The following UBE3A variants were observed in gnomAD, a reference collection of about 807,000 sequenced individuals.
UBE3A encodes the protein ubiquitin protein ligase E3A.
UBE3A carries 6 observed loss-of-function variants against 83.4 expected under a neutral mutation model. That is an observed-to-expected ratio of 0.07 (90% CI 0.04 to 0.14). UBE3A has a LOEUF of 0.14. UBE3A is among the 10% of genes least tolerant of loss of function. The pLI, the probability that UBE3A is intolerant of heterozygous loss-of-function variation, is 1.00. For synonymous variants in UBE3A, 337 were observed against 355.4 expected (o/e 0.95, Z 0.58); for missense variants, 456 against 1,036.1 (o/e 0.44, Z 7.69).
intron 4 of UBE3A, among the ~76,000 whole-genome samples, chr15:25,389,878 G>T (rs2083932857): frequency 6.6e-6 from 1 of 150,650 alleles, no homozygotes; most frequent in South Asian, 2.1e-4. Flanking sequence ...ACAGAGCGAG[G>T]CTCTGTCTCA....
At position 25,371,100 on chromosome 15, in the gene UBE3A, T is replaced by C. The variant is rs1595807901; in HGVS notation, c.1074A>G (p.Leu358=). Residue 358 remains leucine (L), a synonymous_variant, in exon 6 of 13, where the codon CTA becomes CTG. Transcript: ENST00000648336. This position sits in a 1 kb window ranked among gnomAD's most constrained non-coding sequence, Gnocchi z 5.3. ...VISNEFNSRN[L]VNDDDAIVAA... ...CAACAATGGCATCATCATCATTCAC[T>C]AGATTTCGACTGTTAAATTCATTGC... 2 of 1,614,152 alleles carry C rather than the reference T, an allele frequency of 1.2e-6. No individual in the cohort carries two copies. The highest frequency in any genetic ancestry group is 1.1e-5 in the South Asian group (1 of 91,072).
intron 4 of UBE3A, among the ~76,000 whole-genome samples, chr15:25,380,185 C>T (rs910455288): frequency 4.6e-5 from 7 of 152,222 alleles, no homozygotes; most frequent in African/African-American, 9.6e-5. Flanking sequence ...TTTCACCTTT[C>T]GCCATGATTC....
intron 1 of UBE3A, among the ~76,000 whole-genome samples, chr15:25,430,027 C>CTATATATATATATATA (rs199950859): frequency 4.5e-5 from 3 of 66,172 alleles, no homozygotes; most frequent in African/African-American, 2.4e-4. Context: ...AAAAAAAAAC[C>CTATATATATATATATA]TATATATATA....
At chr15:25,380,633 A>T (rs2082021320) in intron 4 of UBE3A, among the ~76,000 whole-genome samples, 1 of 152,224 alleles carries the variant, frequency 6.6e-6, no homozygotes, top group Admixed American at 6.5e-5. Flanking sequence ...AAGGAAAGAA[A>T]GGAATTTCCC....
intron 4 of UBE3A, 111 bp from the exon 5 acceptor site, chr15:25,375,874 G>A: frequency 2.5e-6 from 3 of 1,212,850 alleles, no homozygotes; most frequent in Middle Eastern, 3.8e-4. Flanking sequence ...ATTAACCTGT[G>A]TATGAAGATG....
At chr15:25,436,595 T>C (rs1441665323) in intron 1 of UBE3A, among the ~76,000 whole-genome samples, 1 of 152,100 alleles carries the variant, frequency 6.6e-6, no homozygotes, top group Non-Finnish European at 1.5e-5. Flanking sequence ...AAATAGAAAT[T>C]ATCTAAAGTT....
At chr15:25,356,590 C>A in intron 8 of UBE3A, 101 bp downstream of exon 8, 1 of 1,187,422 alleles carries the variant, frequency 8.4e-7, no homozygotes, top group Non-Finnish European at 1.2e-6. Flanking sequence ...AGAGTATCAA[C>A]AAAGATTCTA....
chr15:25,354,822 C>T (rs1404704835), intron 9 of UBE3A, 139 bp from the exon 10 acceptor site: 2 of 785,126 alleles, frequency 2.5e-6, no homozygotes, highest in African/African-American at 1.8e-5. Flanking sequence ...TTTACACCTA[C>T]TTCTTAACAA....
chr15:25,391,448 T>A (rs920323285), intron 4 of UBE3A: 7 of 152,242 alleles, frequency 4.6e-5, no homozygotes, highest in Non-Finnish European at 7.3e-5. Context: ...ACCACAATTG[T>A]ACCGTACACT....
chr15:25,371,011 T>C lies in UBE3A; in HGVS notation c.1163A>G (p.Asn388Ser), dbSNP rs1490294828. ...CTCTTCATCATCTTCTTCATTGTGA[T>C]TTGTGTCCACTTCCCCTCCCACTAC... ...ANVVGGEVDT[N>S]HNEEDDEEPI... The change falls in exon 6 of 13, where the codon AAT becomes AGT. Residue 388 changes from asparagine to serine, a missense_variant. Coordinates refer to ENST00000648336, the MANE Select transcript of UBE3A (RefSeq NM_130839.5). The surrounding 1 kb of genome is among the most constrained non-coding windows in gnomAD (Gnocchi z 5.3). 2.5e-6 allele frequency: 4 copies of C among 1,613,986 alleles called. No homozygotes were observed. The highest frequency in any genetic ancestry group is 2.2e-5 in the South Asian group (2 of 91,076).
intron 8 of UBE3A, among the ~76,000 whole-genome samples, chr15:25,356,462 T>G (rs2077226158): frequency 6.6e-6 from 1 of 152,220 alleles, no homozygotes; most frequent in Non-Finnish European, 1.5e-5. Context: ...AACACTTCTC[T>G]ATGAAATCAA....
At chr15:25,352,474 C>G (rs2076646070) in intron 11 of UBE3A, among the ~76,000 whole-genome samples, 1 of 152,168 alleles carries the variant, frequency 6.6e-6, no homozygotes, top group African/African-American at 2.4e-5. Context: ...TTACATTATA[C>G]TGTAGTCAAG....
In UBE3A at chr15:25,370,806, T is replaced by C; in HGVS notation, c.1368A>G (p.Glu456=). 6.2e-7 allele frequency: 1 copy of C among 1,614,096 alleles called. No individual in the cohort carries two copies. Among genetic ancestry groups the C allele is most frequent in the Non-Finnish European group, 8.5e-7 (1 of 1,179,986 alleles). Residue 456 remains glutamate (E), a synonymous_variant, in exon 6 of 13, where the codon GAA becomes GAG. Transcript: ENST00000648336. This position sits in a 1 kb window ranked among gnomAD's most constrained non-coding sequence, Gnocchi z 4.2. ...FINEPLNEVL[E]MDKDYTFFKV... ...TGAAAAAAGTATAATCTTTATCCATTTCTAGAACCTCATTCAGTGGTTCAT... is the reference window on the plus strand; with the variant it reads ...TGAAAAAAGTATAATCTTTATCCATCTCTAGAACCTCATTCAGTGGTTCAT...
At chr15:25,380,461 C>T (rs1362563380) in intron 4 of UBE3A, among the ~76,000 whole-genome samples, 3 of 152,094 alleles carry the variant, frequency 2.0e-5, no homozygotes, top group Admixed American at 2.0e-4. Flanking sequence ...GTGACCCTGC[C>T]ATCTAATCAT....
chr15:25,422,458 T>C (rs894881544), intron 1 of UBE3A, among the ~76,000 whole-genome samples: 7 of 152,104 alleles, frequency 4.6e-5, no homozygotes, highest in African/African-American at 1.2e-4. Context: ...TTGTGAGAAC[T>C]TAATATAGAA....
At chr15:25,352,314 T>A (rs1470228379) in intron 11 of UBE3A, among the ~76,000 whole-genome samples, 1 of 152,224 alleles carries the variant, frequency 6.6e-6, no homozygotes, top group East Asian at 1.9e-4. Context: ...GAATTCTGCA[T>A]ACAATAAATA....
At chr15:25,403,523 T>C (rs1022736360) in intron 4 of UBE3A, among the ~76,000 whole-genome samples, 14 of 152,000 alleles carry the variant, frequency 9.2e-5, no homozygotes, top group African/African-American at 3.4e-4. Flanking sequence ...GAAACGCAAA[T>C]AGGTACAGTT....
At chr15:25,404,301 T>C (rs2087908960) in intron 4 of UBE3A, among the ~76,000 whole-genome samples, 1 of 152,176 alleles carries the variant, frequency 6.6e-6, no homozygotes, top group Non-Finnish European at 1.5e-5. Context: ...CCATCTTTAC[T>C]TCCTTGTTCT....
intron 8 of UBE3A, among the ~76,000 whole-genome samples, chr15:25,356,307 T>C (rs1282332007): frequency 6.7e-6 from 1 of 148,980 alleles, no homozygotes; most frequent in East Asian, 2.0e-4. Flanking sequence ...CTGTGCTCTA[T>C]GAGAAATTCT....
Sources: gnomAD v4.1 joint callset for allele counts (sites outside exome capture counted in the v4.1 genomes callset) on GRCh38, gnomAD v4.1.1 for gene constraint, Gnocchi (gnomAD v3.1) non-coding constraint, MANE v1.5 for transcripts, NCBI Gene and HGNC (gene_info 2026-07-23, HGNC 2026-07-21) for gene names.